Variants in ARHGEF10 observed in about 807,000 individuals in gnomAD.
The protein encoded by ARHGEF10 is Rho guanine nucleotide exchange factor (GEF) 10.
In ARHGEF10, 140 loss-of-function variants were observed where a neutral mutation model predicts 147.4. The observed-to-expected ratio is 0.95, with a 90% CI of 0.83 to 1.09. ARHGEF10 has a LOEUF of 1.09. Among genes scored for constraint, ARHGEF10 ranks in the 50% least tolerant of loss-of-function variants. The pLI is 0.00. For missense variants in ARHGEF10, 2,222 were observed against 1,752.7 expected, an observed-to-expected ratio of 1.27 and a Z score of -4.78; for synonymous variants, 902 against 695.8, an observed-to-expected ratio of 1.30 and a Z score of -4.67.
intron 25 of ARHGEF10, 66 bp downstream of exon 25, chr8:1,929,509 TTA>T: frequency 1.3e-6 from 2 of 1,524,004 alleles, no homozygotes; most frequent in Non-Finnish European, 1.8e-6. Flanking sequence ...TGCATCCGGT[TTA>T]GCCTCCCCAC....
intron 1 of ARHGEF10, among the ~76,000 whole-genome samples, chr8:1,826,799 T>C (rs1802797833): frequency 6.6e-6 from 1 of 152,214 alleles, no homozygotes; most frequent in South Asian, 2.1e-4. Flanking sequence ...CTGGAGATGC[T>C]CAGAGAATCT....
chr8:1,860,635 A>G (rs1806051184), intron 4 of ARHGEF10, among the ~76,000 whole-genome samples: 1 of 152,180 alleles, frequency 6.6e-6, no homozygotes, highest in African/African-American at 2.4e-5. Context: ...TATGGTTTGG[A>G]AATTTTTGAA....
chr8:1,925,223 C>T (rs1812592578), intron 21 of ARHGEF10, 60 bp from the exon 22 acceptor site: 5 of 1,610,598 alleles, frequency 3.1e-6, no homozygotes, highest in Non-Finnish European at 4.2e-6. Context: ...TGTGGAGCTG[C>T]AGGTCTTTGC....
intron 27 of ARHGEF10, among the ~76,000 whole-genome samples, chr8:1,946,759 G>A (rs1392159633): frequency 2.0e-5 from 3 of 152,208 alleles, no homozygotes; most frequent in African/African-American, 7.2e-5. Context: ...GTTCTAGAAC[G>A]GGTGTGAGGC....
At chr8:1,837,855 T>C (rs11990922) in intron 1 of ARHGEF10, among the ~76,000 whole-genome samples, 64,856 of 151,958 alleles carry the variant, frequency 0.43, 14,220 homozygotes, top group African/African-American at 0.49. Context: ...GTTGAGAAAC[T>C]GAGGGATACC....
intron 9 of ARHGEF10, 61 bp from the exon 10 acceptor site, chr8:1,882,574 A>G: frequency 7.4e-7 from 1 of 1,355,992 alleles, no homozygotes; most frequent in Non-Finnish European, 1.0e-6. Context: ...AAAACAGGCA[A>G]ATGAAAGTCG....
rs1806637051 is a variant in ARHGEF10, at chr8:1,866,569, G to A, written c.589G>A (p.Ala197Thr). 6.2e-7 allele frequency: 1 copy of A among 1,608,366 alleles called. No individual in the cohort carries two copies. The highest frequency in any genetic ancestry group is 1.3e-5 in the African/African-American group (1 of 74,932). The change falls in exon 6 of 29, where the codon GCC (alanine) becomes ACC (threonine). Residue 197 changes from alanine (A) to threonine (T), a missense_variant. Transcript: ENST00000349830. ...AGAGGACAGCGCACTTGCCCGCTGG[G>A]CCGCAGACCCGGCCAACACAGCCTG... The part of the protein sequence containing the change: ...GREDSALARW[A>T]ADPANTAWME...
chr8:1,890,626 A>G lies in ARHGEF10; in HGVS notation c.1183-2943A>G, dbSNP rs535920469. 2.7e-5 allele frequency among the ~76,000 whole-genome samples: 4 copies of G among 150,870 alleles called. No individual in the cohort carries two copies. The South Asian group carries it at 8.6e-4, about 32-fold the overall frequency. Reference sequence around the variant, plus strand: ...AGTTTGGCGAAGGTTATGAAGAGACACTGAGTGCAGTGAGGGTTGTGAGGA... The same window carrying G: ...AGTTTGGCGAAGGTTATGAAGAGACGCTGAGTGCAGTGAGGGTTGTGAGGA... On this transcript the variant is annotated intron_variant, in intron 11 of 28. Transcript: ENST00000349830.
chr8:1,860,325 C>CCCT (rs751472043), intron 4 of ARHGEF10, 141 bp downstream of exon 4: 1 of 1,120,428 alleles, frequency 8.9e-7, no homozygotes, highest in Non-Finnish European at 1.3e-6. Context: ...TGACCTTCCC[C>CCCT]CCTCCTCCTC....
At chr8:1,895,731 TCCTA>T (rs762043975) in intron 13 of ARHGEF10, among the ~76,000 whole-genome samples, 5 of 152,198 alleles carry the variant, frequency 3.3e-5, no homozygotes, top group Middle Eastern at 3.2e-3. Context: ...CTGCCATCCA[TCCTA>T]AAGGACTTAC....
At chr8:1,891,543 G>A (rs1013524905) in intron 11 of ARHGEF10, among the ~76,000 whole-genome samples, 1 of 152,072 alleles carries the variant, frequency 6.6e-6, no homozygotes, top group Admixed American at 6.5e-5. Context: ...GGTCAGGCTG[G>A]GCCAGGCCCA....
intron 16 of ARHGEF10, 88 bp from the exon 17 acceptor site, chr8:1,905,483 C>A: frequency 6.5e-7 from 1 of 1,547,150 alleles, no homozygotes; most frequent in Non-Finnish European, 8.9e-7. Flanking sequence ...GAAAAGTCAC[C>A]CTGAGACTCC....
Position 1,860,145 on chromosome 8 carries a change from A to T in ARHGEF10, c.442A>T (p.Ser148Cys), listed in dbSNP as rs763838160. 1 of 1,613,562 alleles carries T rather than the reference A, an allele frequency of 6.2e-7. No individual in the cohort carries two copies. The change falls in exon 4 of 29, where the codon AGC becomes TGC. Residue 148 changes from serine (S) to cysteine (C), a missense_variant. Transcript: ENST00000349830. ...GCCCCTCCTGCTGCCCGCCTACTCC[A>T]GCCCGGTCATCATCTGCGCCACGTC... The part of the protein sequence containing the change: ...NLPLLLPAYS[S>C]PVIICATSLD...
At chr8:1,931,029 T>A (rs1037217709) in intron 25 of ARHGEF10, among the ~76,000 whole-genome samples, 1 of 152,190 alleles carries the variant, frequency 6.6e-6, no homozygotes, top group African/African-American at 2.4e-5. Context: ...CCATGGACGG[T>A]TTTGTGTCTT....
intron 12 of ARHGEF10, among the ~76,000 whole-genome samples, chr8:1,894,171 C>CAAAA (rs536453124): frequency 9.6e-5 from 13 of 135,510 alleles, no homozygotes; most frequent in African/African-American, 3.3e-4. Flanking sequence ...GAGACTGTCT[C>CAAAA]AAAAAAAAAA....
chr8:1,903,255 G>A, intron 15 of ARHGEF10, 26 bp from the exon 16 acceptor site: 1 of 1,613,802 alleles, frequency 6.2e-7, no homozygotes, highest in Non-Finnish European at 8.5e-7. Flanking sequence ...CGTGGTAACT[G>A]CCCACCTCTC....
chr8:1,907,340 G>C (rs1810977699), intron 17 of ARHGEF10, among the ~76,000 whole-genome samples: 1 of 152,152 alleles, frequency 6.6e-6, no homozygotes, highest in South Asian at 2.1e-4. Context: ...AATCCACCCA[G>C]CTCCTCACCT....
At chr8:1,854,264 C>T (rs1283404629) in intron 2 of ARHGEF10, among the ~76,000 whole-genome samples, 1 of 152,102 alleles carries the variant, frequency 6.6e-6, no homozygotes, top group East Asian at 1.9e-4. Context: ...TCGATGGAGG[C>T]CCCCTTGGAG....
intron 1 of ARHGEF10, among the ~76,000 whole-genome samples, chr8:1,835,297 C>T (rs1047408764): frequency 2.0e-5 from 3 of 152,224 alleles, no homozygotes; most frequent in African/African-American, 7.2e-5. Flanking sequence ...GAGCCTGTCC[C>T]TGCCCCAGGT....
Sources: gnomAD v4.1 joint callset for allele counts (sites outside exome capture counted in the v4.1 genomes callset) on GRCh38, gnomAD v4.1.1 for gene constraint, MANE v1.5 for transcripts, NCBI Gene and HGNC (gene_info 2026-07-23, HGNC 2026-07-21) for gene names.